The following PVALEF variants were observed in gnomAD, a reference collection of about 807,000 sequenced individuals.
PVALEF encodes parvalbumin like EF-hand containing, also known as parvalbumin-like EF-hand-containing protein.
A neutral mutation model predicts 1.2 loss-of-function variants in PVALEF; 2 were observed. The observed-to-expected ratio is 1.68, with a 90% CI of 0.69 to 5.28. PVALEF has a LOEUF of 5.28. Among genes scored for constraint, PVALEF ranks in the 30% most tolerant of loss-of-function variants. PVALEF has a pLI of 0.06. For missense variants in PVALEF, 35 were observed against 17.7 expected, an observed-to-expected ratio of 1.97 and a Z score of -1.75; for synonymous variants, 16 against 6.5, an observed-to-expected ratio of 2.47 and a Z score of -2.24.
chr17:81,182,746 C>T (rs756913330), intron 6 of PVALEF, among the ~76,000 whole-genome samples: 1 of 152,212 alleles, frequency 6.6e-6, no homozygotes, highest in Admixed American at 6.5e-5. Flanking sequence ...CAACTTGTGA[C>T]GACCAAGCAG....
chr17:81,178,359 C>A (rs2061542383), intron 2 of PVALEF, among the ~76,000 whole-genome samples: 1 of 152,194 alleles, frequency 6.6e-6, no homozygotes, highest in East Asian at 1.9e-4. Context: ...CCCAGCATGA[C>A]CACCCCACAG....
chr17:81,182,497 G>A (rs1289285538), intron 6 of PVALEF, among the ~76,000 whole-genome samples: 2 of 152,210 alleles, frequency 1.3e-5, no homozygotes, highest in Non-Finnish European at 2.9e-5. Context: ...GCCACCGGCC[G>A]TTCTCATCTG....
At chr17:81,177,001 A>G (rs919667628) in intron 2 of PVALEF, among the ~76,000 whole-genome samples, 1 of 143,902 alleles carries the variant, frequency 6.9e-6, no homozygotes, top group African/African-American at 2.6e-5. Context: ...ATCTCAGCTC[A>G]CTGCAACCTC....
rs112414438 is a variant in PVALEF, at chr17:81,181,305, C to A, written c.79C>A (p.Leu27Met). 2,088 of 695,140 alleles carry A rather than the reference C, an allele frequency of 3.0e-3. 32 individuals are homozygous for A. The African/African-American group carries it at 0.032, about 11-fold the overall frequency. The allele number at this position is 695,140 out of a possible 1,614,324, so 43.1% of individuals were successfully genotyped here. Residue 27 changes from leucine (L) to methionine (M), a missense_variant, in exon 4 of 7, where the codon CTG becomes ATG. Transcript: ENST00000637878. ...GTSLSDKDIE[L>M]LPTDMRHHGS... ...GTCCCTATCAGACAAGGACATTGAG[C>A]TGCTGCCCACAGACATGAGACACCA...
chr17:81,178,668 T>C (rs2061543325), intron 2 of PVALEF, among the ~76,000 whole-genome samples: 1 of 151,928 alleles, frequency 6.6e-6, no homozygotes, highest in African/African-American at 2.4e-5. Context: ...ACCTGTTTCC[T>C]GCACCAGAGC....
chr17:81,167,870 A>G (rs1432616298), intron 2 of PVALEF, among the ~76,000 whole-genome samples: 1 of 152,250 alleles, frequency 6.6e-6, no homozygotes, highest in Non-Finnish European at 1.5e-5. Context: ...GGAGGCACTC[A>G]GAGGCCTTGG....
At chr17:81,182,366 C>T (rs1303844206) in intron 6 of PVALEF, among the ~76,000 whole-genome samples, 2 of 152,204 alleles carry the variant, frequency 1.3e-5, no homozygotes, top group Non-Finnish European at 2.9e-5. Flanking sequence ...GTCTTTGAGG[C>T]TCTCCATGGC....
chr17:81,175,547 T>C (rs1290233128), intron 2 of PVALEF, among the ~76,000 whole-genome samples: 1 of 152,068 alleles, frequency 6.6e-6, no homozygotes, highest in African/African-American at 2.4e-5. Context: ...ACTACAAAGC[T>C]ACAGAAATCA....
rs937942960 is a variant in PVALEF, at chr17:81,180,851, G to A, written c.-104-272G>A. 1.4e-3 allele frequency among the ~76,000 whole-genome samples: 215 copies of A among 152,198 alleles called. 2 individuals are homozygous for A. The highest frequency in any genetic ancestry group is 4.9e-3 in the African/African-American group (204 of 41,510). On this transcript the variant is annotated intron_variant, in intron 3 of 6. Coordinates refer to ENST00000637878, the MANE Select transcript of PVALEF (RefSeq NM_001354639.2). ...GCTCTACCACCCTGTGAACTTTCACGAGGGCCAAGAAGCCCAGGACACCCG... is the reference window on the plus strand; with the variant it reads ...GCTCTACCACCCTGTGAACTTTCACAAGGGCCAAGAAGCCCAGGACACCCG...
At chr17:81,167,162 G>A (rs551159655) in intron 2 of PVALEF, among the ~76,000 whole-genome samples, 1 of 152,320 alleles carries the variant, frequency 6.6e-6, no homozygotes, top group South Asian at 2.1e-4. Context: ...GCATGGTGGC[G>A]CTCACCTGTA....
At chr17:81,174,766 A>G (rs376556141) in intron 2 of PVALEF, among the ~76,000 whole-genome samples, 19 of 151,928 alleles carry the variant, frequency 1.3e-4, no homozygotes, top group East Asian at 2.0e-4. Context: ...TGGCTAACAC[A>G]GTGAAACCCT....
At chr17:81,172,395 T>G (rs1384247483) in intron 2 of PVALEF, among the ~76,000 whole-genome samples, 2 of 152,158 alleles carry the variant, frequency 1.3e-5, no homozygotes, top group African/African-American at 4.8e-5. Flanking sequence ...GGGAGGGGCT[T>G]CTTGGACAAA....
chr17:81,172,896 C>T (rs2061525417), intron 2 of PVALEF, among the ~76,000 whole-genome samples: 1 of 152,020 alleles, frequency 6.6e-6, no homozygotes, highest in African/African-American at 2.4e-5. Context: ...GCGGATACTG[C>T]AGTCATCTCA....
At chr17:81,167,702 C>T (rs1193559654) in intron 2 of PVALEF, among the ~76,000 whole-genome samples, 3 of 152,226 alleles carry the variant, frequency 2.0e-5, no homozygotes, top group Admixed American at 2.0e-4. Flanking sequence ...AGACAAGACA[C>T]CAACTGCACC....
chr17:81,166,821 T>G lies in PVALEF; in HGVS notation c.-363T>G, dbSNP rs899614198. ...CATGAAGGAAGAACCTGGCTGAGTCTCCACCTGCCGTGGACTGTACCAGGT... is the reference window on the plus strand; with the variant it reads ...CATGAAGGAAGAACCTGGCTGAGTCGCCACCTGCCGTGGACTGTACCAGGT... On this transcript the variant is annotated 5_prime_UTR_variant, in exon 2 of 7. Transcript: ENST00000637878. The G allele has an allele frequency of 2.0e-5, 9 of 453,104 alleles. No homozygotes were observed. Among genetic ancestry groups the G allele is most frequent in the Admixed American group, 1.9e-4 (8 of 42,228 alleles). The allele number at this position is 453,104 out of a possible 1,614,324, so 28.1% of individuals were successfully genotyped here.
intron 2 of PVALEF, among the ~76,000 whole-genome samples, chr17:81,174,798 A>C (rs1431263904): frequency 6.6e-6 from 1 of 151,306 alleles, no homozygotes. Flanking sequence ...AAATACAAAA[A>C]ATTAGCCGAG....
At chr17:81,167,353 C>G (rs1327924271) in intron 2 of PVALEF, among the ~76,000 whole-genome samples, 1 of 152,048 alleles carries the variant, frequency 6.6e-6, no homozygotes, top group African/African-American at 2.4e-5. Context: ...CATTCATTCA[C>G]TCACTCATTC....
chr17:81,165,551 G>C lies in PVALEF; in HGVS notation c.-704G>C. Reference sequence around the variant, plus strand: ...AAGAAGCCTCCCACGCCAGGGCCCCGGACCCAGGAGAGGCCATGGAAAGCC... The same window carrying C: ...AAGAAGCCTCCCACGCCAGGGCCCCCGACCCAGGAGAGGCCATGGAAAGCC... On this transcript the variant is annotated 5_prime_UTR_variant, in exon 1 of 7. Transcript: ENST00000637878. 2 of 1,032,840 alleles carry C rather than the reference G, an allele frequency of 1.9e-6. No individual in the cohort carries two copies. Among genetic ancestry groups the C allele is most frequent in the Non-Finnish European group, 1.3e-6 (1 of 745,846 alleles). The allele number at this position is 1,032,840 out of a possible 1,614,324, so 64.0% of individuals were successfully genotyped here. A position where few individuals can be genotyped will look rare whatever the true frequency, so the allele number is the denominator to read the frequency against.
chr17:81,166,014 G>A (rs1428033977), intron 1 of PVALEF: 10 of 1,542,948 alleles, frequency 6.5e-6, no homozygotes, highest in Admixed American at 2.0e-5. Flanking sequence ...CGGCCGGCGG[G>A]CATCCCGGGA....
Sources: allele counts gnomAD v4.1 joint callset (sites outside exome capture counted in the v4.1 genomes callset), GRCh38; gene constraint gnomAD v4.1.1; transcripts MANE v1.5; gene names NCBI Gene and HGNC (gene_info 2026-07-23, HGNC 2026-07-21).